The following NUP85 variants were observed in gnomAD, a reference collection of about 807,000 sequenced individuals.
NUP85 encodes nucleoporin 85.
NUP85 carries 23 observed loss-of-function variants against 92.8 expected under a neutral mutation model. The observed-to-expected ratio is 0.25, with a 90% CI of 0.18 to 0.35. The LOEUF is 0.35. Ranked by LOEUF, NUP85 falls within the 10% of genes least tolerant of loss-of-function variation. NUP85 has a pLI of 1.00. For synonymous variants in NUP85, 314 were observed against 306.9 expected (o/e 1.02, Z -0.24); for missense variants, 759 against 822.8 (o/e 0.92, Z 0.95).
intron 7 of NUP85, among the ~76,000 whole-genome samples, chr17:75,220,575 G>C (rs943438133): frequency 6.6e-6 from 1 of 151,616 alleles, no homozygotes; most frequent in Admixed American, 6.6e-5. Context: ...ACCACCACCA[G>C]CTAAAGTTTT....
chr17:75,212,941 A>G, intron 4 of NUP85, 135 bp from the exon 5 acceptor site: 1 of 873,498 alleles, frequency 1.1e-6, no homozygotes, highest in Non-Finnish European at 1.8e-6. Context: ...ATCCATAATT[A>G]AAAGAGATTA....
At position 75,225,433 on chromosome 17, in the gene NUP85, C is replaced by A. The variant is rs766886650; in HGVS notation, c.824C>A (p.Ala275Asp). The stretch of plus-strand genomic sequence containing the variant: ...CGGTACCTCCAGGACAGCACATTCG[C>A]CACCAGCCCTCACCTGGAGTCTCTC... ...CERYLQDSTF[A>D]TSPHLESLLK... The change falls in exon 9 of 19, where the codon GCC (alanine) becomes GAC (aspartate). Residue 275 changes from alanine (A) to aspartate (D), a missense_variant. Coordinates refer to ENST00000245544, the MANE Select transcript of NUP85 (RefSeq NM_024844.5). The A allele has an allele frequency of 6.2e-7, 1 of 1,613,974 alleles. No individual in the cohort carries two copies. Among genetic ancestry groups the A allele is most frequent in the East Asian group, 2.2e-5 (1 of 44,878 alleles).
chr17:75,216,140 G>A, intron 6 of NUP85: 1 of 284,178 alleles, frequency 3.5e-6, no homozygotes, highest in East Asian at 9.6e-5. Context: ...TATGAATGTG[G>A]GGTAGGATTA....
intron 18 of NUP85, 157 bp from the exon 19 acceptor site, chr17:75,235,421 G>C: frequency 1.6e-6 from 1 of 621,822 alleles, no homozygotes; most frequent in Non-Finnish European, 2.8e-6. Context: ...ATCATTTCCA[G>C]TATGGCCCTT....
intron 5 of NUP85, among the ~76,000 whole-genome samples, chr17:75,213,573 G>A (rs1478784251): frequency 6.6e-6 from 1 of 152,084 alleles, no homozygotes; most frequent in African/African-American, 2.4e-5. Flanking sequence ...GATTACAGGT[G>A]TAAGCCACCG....
At chr17:75,219,820 G>T (rs116018397) in intron 7 of NUP85, among the ~76,000 whole-genome samples, 62 of 152,270 alleles carry the variant, frequency 4.1e-4, no homozygotes, top group African/African-American at 1.4e-3. Flanking sequence ...GAGATTGGAG[G>T]TGAGACCTGA....
chr17:75,235,243 GA>G, intron 18 of NUP85, 42 bp downstream of exon 18: 4 of 1,454,554 alleles, frequency 2.7e-6, no homozygotes, highest in African/African-American at 1.4e-5. Context: ...ATGGAGGTGG[GA>G]AAAGGCTCCC....
At position 75,225,245 on chromosome 17, in the gene NUP85, G is replaced by T. The variant is rs754654138; in HGVS notation, c.732+8G>T. ...ACAATGCCCATTCTTAGTGTACGTG[G>T]GGGTAGCTTTGCTCTGCTGGGTCAC... On this transcript the variant is annotated splice_region_variant and intron_variant, in intron 8 of 18. Coordinates refer to ENST00000245544, the MANE Select transcript of NUP85 (RefSeq NM_024844.5). 1 of 1,605,066 alleles carries T rather than the reference G, an allele frequency of 6.2e-7. No individual in the cohort carries two copies. The highest frequency in any genetic ancestry group is 2.2e-5 in the East Asian group (1 of 44,728).
intron 2 of NUP85, 120 bp from the exon 3 acceptor site, chr17:75,209,703 A>G (rs768992496): frequency 1.3e-5 from 10 of 744,380 alleles, no homozygotes; most frequent in Non-Finnish European, 2.0e-5. Context: ...TGGCCTCCCA[A>G]AGTGCTGGGA....
intron 16 of NUP85, among the ~76,000 whole-genome samples, chr17:75,233,393 C>CTT (rs1555668636): frequency 1.1e-4 from 15 of 137,464 alleles, no homozygotes; most frequent in African/African-American, 3.8e-4. Context: ...CTTTCTTTCT[C>CTT]TTTCTCTTTC....
rs1222422844 is a variant in NUP85, at chr17:75,231,810, C to T, written c.1245-18C>T. The T allele has an allele frequency of 6.2e-7, 1 of 1,613,542 alleles. No individual in the cohort carries two copies. Among genetic ancestry groups the T allele is most frequent in the African/African-American group, 1.3e-5 (1 of 75,024 alleles). On this transcript the variant is annotated intron_variant, in intron 13 of 18. Transcript: ENST00000245544. The surrounding 1 kb of genome is among the most constrained non-coding windows in gnomAD (Gnocchi z 4.6). ...CATGAGGCAGCACCTCATGTCTGTC[C>T]TCCTCGAACCTTTGCAGCCTGTGGC...
At chr17:75,208,280 G>GAA (rs56256592) in intron 1 of NUP85, 10,443 of 301,970 alleles carry the variant, frequency 0.035, 87 homozygotes, top group Non-Finnish European at 0.045. Flanking sequence ...TACTAAAAAT[G>GAA]AAAAAAAAAA....
At chr17:75,209,445 CTTTTT>C (rs71159453) in intron 2 of NUP85, among the ~76,000 whole-genome samples, 8 of 106,428 alleles carry the variant, frequency 7.5e-5, no homozygotes, top group Admixed American at 2.0e-4. Flanking sequence ...GATTTGCTTT[CTTTTT>C]TTTTTTTTTT....
At chr17:75,232,066 T>C (rs964604543) in intron 14 of NUP85, 87 bp downstream of exon 14, 2 of 1,423,930 alleles carry the variant, frequency 1.4e-6, no homozygotes, top group African/African-American at 1.4e-5. Flanking sequence ...ACCCCAGCCA[T>C]CCTCCTCCTC....
chr17:75,219,422 G>A (rs1034625314), intron 7 of NUP85, among the ~76,000 whole-genome samples: 5 of 152,106 alleles, frequency 3.3e-5, no homozygotes, highest in South Asian at 4.2e-4. Flanking sequence ...GACTACAGGC[G>A]CACACCACTA....
chr17:75,209,919 C>G lies in NUP85; in HGVS notation c.224C>G (p.Ser75Cys). 6.3e-7 allele frequency: 1 copy of G among 1,585,022 alleles called. No homozygotes were observed. Among genetic ancestry groups the G allele is most frequent in the East Asian group, 2.3e-5 (1 of 43,950 alleles). ...SQILRKLFNE[S>C]HGIFLGLQRI... Reference sequence around the variant, plus strand: ...ATCTTGAGAAAACTCTTCAATGAATCCCATGGAATCTTTCTGGGCCTCCAG... The same window carrying G: ...ATCTTGAGAAAACTCTTCAATGAATGCCATGGAATCTTTCTGGGCCTCCAG... The change falls in exon 3 of 19, where the codon TCC (serine) becomes TGC (cysteine). Residue 75 changes from serine to cysteine, a missense_variant. Physicochemically the swap from Ser to Cys is moderately radical, Grantham distance 112. Coordinates refer to ENST00000245544, the MANE Select transcript of NUP85 (RefSeq NM_024844.5).
At chr17:75,233,221 GGA>G in intron 16 of NUP85, 63 bp downstream of exon 16, 1 of 1,373,408 alleles carries the variant, frequency 7.3e-7, no homozygotes, top group East Asian at 2.3e-5. Context: ...GAGGTTGGAG[GGA>G]TCACGTCAGA....
intron 7 of NUP85, among the ~76,000 whole-genome samples, chr17:75,221,432 C>T (rs983475262): frequency 1.2e-4 from 19 of 152,082 alleles, no homozygotes; most frequent in African/African-American, 4.6e-4. Context: ...AGCCACCATG[C>T]CCAGCCAAAT....
intron 7 of NUP85, among the ~76,000 whole-genome samples, chr17:75,223,918 T>C (rs1044014549): frequency 6.6e-6 from 1 of 152,202 alleles, no homozygotes; most frequent in Non-Finnish European, 1.5e-5. Context: ...TTCAGCTTGA[T>C]GTGATAAGAT....
Sources: gnomAD v4.1 joint callset for allele counts (sites outside exome capture counted in the v4.1 genomes callset) on GRCh38, gnomAD v4.1.1 for gene constraint, Gnocchi (gnomAD v3.1) non-coding constraint, MANE v1.5 for transcripts, NCBI Gene and HGNC (gene_info 2026-07-23, HGNC 2026-07-21) for gene names.